IL1RAPL1: variants seen among roughly 807,000 people sequenced by gnomAD.
IL1RAPL1 encodes interleukin 1 receptor accessory protein like 1.
A neutral mutation model predicts 48.4 loss-of-function variants in IL1RAPL1; 3 were observed. The ratio of observed to expected loss-of-function variants is 0.06; its 90% CI spans 0.03 to 0.16. IL1RAPL1 has a LOEUF of 0.16. IL1RAPL1 is among the 10% of genes least tolerant of loss of function. The probability of loss-of-function intolerance (pLI) is 1.00; values close to 1 mark genes in which losing one functional copy is unlikely to be tolerated. For missense variants in IL1RAPL1, 349 were observed against 530.6 expected, an observed-to-expected ratio of 0.66 and a Z score of 3.36; for synonymous variants, 185 against 187.7, an observed-to-expected ratio of 0.99 and a Z score of 0.12.
chrX:29,779,860 ATAATGC>A (rs1463229695), intron 6 of IL1RAPL1, among the ~76,000 whole-genome samples: 4 of 111,471 alleles, frequency 3.6e-5, no homozygotes, highest in African/African-American at 1.3e-4. Context: ...GCTATTGAAA[ATAATGC>A]TAAAGACATT....
chrX:28,745,205 A>T (rs372131513), intron 1 of IL1RAPL1, among the ~76,000 whole-genome samples: 1 of 111,812 alleles, frequency 8.9e-6, no homozygotes. Flanking sequence ...ATGAAATACC[A>T]TGATACTGAT....
At chrX:28,750,012 A>G (rs1478878770) in intron 1 of IL1RAPL1, among the ~76,000 whole-genome samples, 1 of 107,518 alleles carries the variant, frequency 9.3e-6, no homozygotes, top group African/African-American at 3.4e-5. Flanking sequence ...GAGTGCAGTG[A>G]CACGATCTCT....
intron 3 of IL1RAPL1, among the ~76,000 whole-genome samples, chrX:29,395,177 C>T (rs904912289): frequency 9.0e-6 from 1 of 111,644 alleles, no homozygotes; most frequent in Non-Finnish European, 1.9e-5. Context: ...TGAGTCCCAC[C>T]TGAGACTCAA....
At chrX:28,922,804 C>T (rs1385094808) in intron 2 of IL1RAPL1, among the ~76,000 whole-genome samples, 3 of 111,721 alleles carry the variant, frequency 2.7e-5, no homozygotes, top group Non-Finnish European at 5.6e-5. Flanking sequence ...GTGGATTAAC[C>T]CTGAAATCAG....
At chrX:29,035,067 T>C (rs1926703204) in intron 2 of IL1RAPL1, among the ~76,000 whole-genome samples, 1 of 111,108 alleles carries the variant, frequency 9.0e-6, no homozygotes, top group African/African-American at 3.3e-5. Flanking sequence ...CAGGGTTTCA[T>C]CGTGTTAGCT....
chrX:29,892,276 T>G (rs952027257), intron 6 of IL1RAPL1, among the ~76,000 whole-genome samples: 1 of 112,140 alleles, frequency 8.9e-6, no homozygotes, highest in African/African-American at 3.2e-5. Context: ...TTTGTTACCT[T>G]GTTTACTTGT....
chrX:28,818,144 G>A (rs1601916421), intron 2 of IL1RAPL1, among the ~76,000 whole-genome samples: 1 of 110,915 alleles, frequency 9.0e-6, no homozygotes, highest in African/African-American at 3.3e-5. Context: ...TGTGAGGGGG[G>A]TTGTGAAAGA....
intron 5 of IL1RAPL1, among the ~76,000 whole-genome samples, chrX:29,451,145 T>A (rs1934673870): frequency 9.1e-6 from 1 of 110,183 alleles, no homozygotes; most frequent in African/African-American, 3.3e-5. Flanking sequence ...ATGGTAATTT[T>A]CTTTTCTTCT....
At chrX:29,247,013 ATAGT>A (rs1931526289) in intron 2 of IL1RAPL1, among the ~76,000 whole-genome samples, 1 of 112,385 alleles carries the variant, frequency 8.9e-6, no homozygotes, top group African/African-American at 3.2e-5. Context: ...ATGTGAAAAA[ATAGT>A]TTGTTAGGGG....
At chrX:28,729,464 T>C (rs1359284254) in intron 1 of IL1RAPL1, among the ~76,000 whole-genome samples, 1 of 111,358 alleles carries the variant, frequency 9.0e-6, no homozygotes, top group Non-Finnish European at 1.9e-5. Context: ...AAGATTGATT[T>C]ATGATGAATT....
intron 2 of IL1RAPL1, among the ~76,000 whole-genome samples, chrX:28,969,073 G>T (rs1006159528): frequency 3.6e-5 from 4 of 112,336 alleles, no homozygotes; most frequent in South Asian, 3.7e-4. Flanking sequence ...ATGCTGTATG[G>T]TTAAGCCAAC....
chrX:28,946,763 G>A lies in IL1RAPL1; in HGVS notation c.82+157338G>A, dbSNP rs1924316477. Among the ~76,000 whole-genome samples the A allele has an allele frequency of 2.7e-5, 3 of 111,197 alleles. No individual in the cohort carries two copies. In the South Asian group the frequency reaches 1.1e-3, roughly 42 times the overall value. On this transcript the variant is annotated intron_variant, in intron 2 of 10. Coordinates refer to ENST00000378993, the MANE Select transcript of IL1RAPL1 (RefSeq NM_014271.4). ...TCCCAATTTAGTATGCTCCTTGAAG[G>A]CAGTGTCCATATGTTTTGATCATCT...
chrX:29,806,976 A>G (rs1395276351), intron 6 of IL1RAPL1, among the ~76,000 whole-genome samples: 1 of 110,351 alleles, frequency 9.1e-6, no homozygotes, highest in African/African-American at 3.3e-5. Flanking sequence ...GCCTTCTGCC[A>G]TGATAGAAAG....
intron 2 of IL1RAPL1, among the ~76,000 whole-genome samples, chrX:28,824,118 T>C (rs758983452): frequency 2.9e-4 from 32 of 111,550 alleles, no homozygotes; most frequent in African/African-American, 9.4e-4. Flanking sequence ...TCTGTAAAAT[T>C]ATTCCAATCG....
At chrX:28,615,754 AC>A (rs1429938373) in intron 1 of IL1RAPL1, among the ~76,000 whole-genome samples, 1 of 110,911 alleles carries the variant, frequency 9.0e-6, no homozygotes, top group Non-Finnish European at 1.9e-5. Context: ...TACATTTGGA[AC>A]ATTGATGATA....
chrX:29,538,338 C>CTTTTTTTTTTT (rs397896582), intron 5 of IL1RAPL1, among the ~76,000 whole-genome samples: 12 of 83,566 alleles, frequency 1.4e-4, no homozygotes, highest in African/African-American at 2.3e-4. Context: ...CTTTTCTTTT[C>CTTTTTTTTTTT]TTTTTTTTTT....
intron 2 of IL1RAPL1, among the ~76,000 whole-genome samples, chrX:28,848,890 C>G (rs966653676): frequency 6.3e-5 from 7 of 111,693 alleles, no homozygotes; most frequent in Admixed American, 9.5e-5. Context: ...CTTTCAGATG[C>G]AAACGGCGCA....
intron 5 of IL1RAPL1, among the ~76,000 whole-genome samples, chrX:29,456,210 C>T (rs913916193): frequency 8.9e-6 from 1 of 112,102 alleles, no homozygotes; most frequent in Non-Finnish European, 1.9e-5. Context: ...TTTTGTTGCA[C>T]GTTTTTGAAG....
chrX:29,730,751 G>A (rs970890992), intron 6 of IL1RAPL1, among the ~76,000 whole-genome samples: 1 of 111,808 alleles, frequency 8.9e-6, no homozygotes, highest in Non-Finnish European at 1.9e-5. Flanking sequence ...AAATCTATGT[G>A]GGAGGGCCTT....
Sources: allele counts gnomAD v4.1 joint callset (sites outside exome capture counted in the v4.1 genomes callset), GRCh38; gene constraint gnomAD v4.1.1; transcripts MANE v1.5; gene names NCBI Gene and HGNC (gene_info 2026-07-23, HGNC 2026-07-21).